PGAM5: variants seen among roughly 807,000 people sequenced by gnomAD.
The protein encoded by PGAM5 is PGAM family member 5, mitochondrial serine/threonine protein phosphatase.
Under a neutral mutation model 30.6 loss-of-function variants are expected in PGAM5, and 25 were observed. That is an observed-to-expected ratio of 0.82 (90% CI 0.60 to 1.14). The LOEUF is 1.14. Among genes scored for constraint, PGAM5 ranks in the 50% most tolerant of loss-of-function variants. The pLI, the probability that PGAM5 is intolerant of heterozygous loss-of-function variation, is 0.00. For missense variants in PGAM5, 384 were observed against 408.5 expected, an observed-to-expected ratio of 0.94 and a Z score of 0.52; for synonymous variants, 201 against 179.1, an observed-to-expected ratio of 1.12 and a Z score of -0.98.
chr12:132,717,331 AG>A, intron 2 of PGAM5, 107 bp from the exon 3 acceptor site: 1 of 1,080,738 alleles, frequency 9.3e-7, no homozygotes, highest in African/African-American at 3.5e-5. Flanking sequence ...CGGGCGGAGG[AG>A]GGGGTGTTTG....
At position 132,710,869 on chromosome 12, in the gene PGAM5, C is replaced by T. The variant is rs934681323; in HGVS notation, c.-8C>T. 15 of 1,127,442 alleles carry T rather than the reference C, an allele frequency of 1.3e-5. No homozygotes were observed. The highest frequency in any genetic ancestry group is 5.0e-5 in the Admixed American group (1 of 20,150). The allele number at this position is 1,127,442 out of a possible 1,614,324, so 69.8% of individuals were successfully genotyped here. On this transcript the variant is annotated 5_prime_UTR_variant, in exon 1 of 6. Coordinates refer to ENST00000498926, the MANE Select transcript of PGAM5 (RefSeq NM_001170543.2). The stretch of plus-strand genomic sequence containing the variant: ...GCGCCTGCGCGGGCCGGCGCGGGAG[C>T]AAGCGGCATGGCGTTCCGGCAGGCG...
chr12:132,714,754 A>G lies in PGAM5; in HGVS notation c.192-104A>G, dbSNP rs903608918. The G allele has an allele frequency of 3.7e-6, 5 of 1,356,394 alleles. No homozygotes were observed. The South Asian group carries it at 4.0e-5, about 11-fold the overall frequency. The allele number at this position is 1,356,394 out of a possible 1,614,324, so 84.0% of individuals were successfully genotyped here. A position where few individuals can be genotyped will look rare whatever the true frequency, so the allele number is the denominator to read the frequency against. On this transcript the variant is annotated intron_variant, in intron 1 of 5. Coordinates refer to ENST00000498926, the MANE Select transcript of PGAM5 (RefSeq NM_001170543.2). ...GTGCCAAGGGCCTTGTCTTCTCTCC[A>G]TGCTCTTCCCAAATAGTCTGACAAT... is the stretch of plus-strand genomic sequence containing the variant.
Position 132,720,430 on chromosome 12 carries a change from C to CT in PGAM5, c.720-248_720-247insT, listed in dbSNP as rs537166157. 4.9e-3 allele frequency among the ~76,000 whole-genome samples: 742 copies of CT among 152,210 alleles called. 6 individuals carry two copies. Among genetic ancestry groups the CT allele is most frequent in the South Asian group, 0.017 (81 of 4,818 alleles). On this transcript the variant is annotated intron_variant, in intron 5 of 5. Transcript: ENST00000498926. ...TCACGCCATTCTTCTGCCTCAGCCT[C>CT]CCAAGTAGCTGGGACTACAGGTGCC... is the stretch of plus-strand genomic sequence containing the variant.
At chr12:132,711,566 C>T (rs879732875) in intron 1 of PGAM5, 2 of 152,268 alleles carry the variant, frequency 1.3e-5, no homozygotes, top group Admixed American at 1.3e-4. Context: ...GCCGGAGGAT[C>T]GCTTGAGAAA....
chr12:132,712,537 A>C (rs1331607745), intron 1 of PGAM5, among the ~76,000 whole-genome samples: 2 of 151,692 alleles, frequency 1.3e-5, no homozygotes, highest in African/African-American at 4.8e-5. Flanking sequence ...GCTCACTGCA[A>C]CCTCCGCCTC....
rs1489826436 is a variant in PGAM5 at position 132,717,583 on chromosome 12, G to A, written c.496+19G>A. 10 of 1,609,046 alleles carry A rather than the reference G, an allele frequency of 6.2e-6. No individual in the cohort carries two copies. The highest frequency in any genetic ancestry group is 2.2e-5 in the South Asian group (2 of 91,016). ...CTGCCAGGTGAGTGCTGCGCGCGGGGCCTCCATGCTTGCAGCAGTGGGCGG... is the reference window on the plus strand; with the variant it reads ...CTGCCAGGTGAGTGCTGCGCGCGGGACCTCCATGCTTGCAGCAGTGGGCGG... On this transcript the variant is annotated intron_variant, in intron 3 of 5. Transcript: ENST00000498926.
intron 1 of PGAM5, 68 bp from the exon 2 acceptor site, chr12:132,714,790 C>T: frequency 1.3e-6 from 2 of 1,543,388 alleles, no homozygotes; most frequent in South Asian, 1.2e-5. Context: ...TTGGAAATAA[C>T]ATCTTGTCAG....
At position 132,711,278 on chromosome 12, in the gene PGAM5, G is replaced by C. The variant is rs904511260; in HGVS notation, c.191+211G>C. ...ACCCTTCCCGCCGGCTTCTGTGGCC[G>C]AGCTCCGTCGCGTCCTCGCCCTTCT... On this transcript the variant is annotated intron_variant, in intron 1 of 5. Transcript: ENST00000498926. The C allele has an allele frequency of 5.4e-5, 17 of 316,460 alleles. No homozygotes were observed. The East Asian group carries it at 8.7e-4, about 16-fold the overall frequency. 19.6% of individuals were successfully genotyped at this position (316,460 alleles called of 1,614,324 possible). A position where few individuals can be genotyped will look rare whatever the true frequency, so the allele number is the denominator to read the frequency against.
At chr12:132,714,017 G>A (rs778839653) in intron 1 of PGAM5, among the ~76,000 whole-genome samples, 10 of 151,864 alleles carry the variant, frequency 6.6e-5, no homozygotes, top group Non-Finnish European at 1.3e-4. Context: ...CTGAGTGTTT[G>A]TTTATTTATT....
Position 132,714,992 on chromosome 12 carries a change from A to G in PGAM5, c.326A>G (p.His109Arg). Reference protein sequence around the residue: ...HIFLIRHSQYHVDGSLEKDRT... With the variant: ...HIFLIRHSQYRVDGSLEKDRT... ...TTCCTCATCAGGCATTCCCAGTACC[A>G]CGTGGATGGCTCCCTGGAGAAGGAC... Residue 109 changes from histidine (H) to arginine (R), a missense_variant, in exon 2 of 6, where the codon CAC becomes CGC. His to Arg is a conservative substitution (Grantham distance 29). Transcript: ENST00000498926. 6.2e-7 allele frequency: 1 copy of G among 1,613,330 alleles called. No individual in the cohort carries two copies. Among genetic ancestry groups the G allele is most frequent in the Non-Finnish European group, 8.5e-7 (1 of 1,179,982 alleles).
Position 132,720,865 on chromosome 12 carries a change from C to T in PGAM5, c.*37C>T, listed in dbSNP as rs2043638081. ...TCTCCTTCCCTCTGTCCTCCCTGCA[C>T]AGGCCGCACACACTTAACGTTTTGT... On this transcript the variant is annotated 3_prime_UTR_variant, in exon 6 of 6. Transcript: ENST00000498926. 1.3e-6 allele frequency: 2 copies of T among 1,527,358 alleles called. No homozygotes were observed. Among genetic ancestry groups the T allele is most frequent in the Non-Finnish European group, 1.8e-6 (2 of 1,141,294 alleles). 94.6% of individuals were successfully genotyped at this position (1,527,358 alleles called of 1,614,324 possible). A position where few individuals can be genotyped will look rare whatever the true frequency, so the allele number is the denominator to read the frequency against.
At chr12:132,717,940 C>T (rs758821162) in intron 4 of PGAM5, 47 bp from the exon 5 acceptor site, 4 of 1,609,382 alleles carry the variant, frequency 2.5e-6, no homozygotes, top group Non-Finnish European at 3.4e-6. Context: ...CTGACACCCG[C>T]CCTGCCCGAG....
At chr12:132,712,249 C>T (rs1046084357) in intron 1 of PGAM5, among the ~76,000 whole-genome samples, 5 of 151,934 alleles carry the variant, frequency 3.3e-5, no homozygotes, top group Admixed American at 3.3e-4. Flanking sequence ...CAGCTTTTAC[C>T]TGCTGTTCTG....
chr12:132,712,733 G>A (rs959384062), intron 1 of PGAM5, among the ~76,000 whole-genome samples: 2 of 151,890 alleles, frequency 1.3e-5, no homozygotes, highest in Non-Finnish European at 2.9e-5. Context: ...TGGGATTACA[G>A]GCATGAGCCA....
chr12:132,716,976 G>A (rs1054223248), intron 2 of PGAM5, among the ~76,000 whole-genome samples: 1 of 152,180 alleles, frequency 6.6e-6, no homozygotes, highest in Non-Finnish European at 1.5e-5. Flanking sequence ...ACTGGTGTCC[G>A]GCCCCCACAT....
At chr12:132,712,858 G>C (rs1038760088) in intron 1 of PGAM5, among the ~76,000 whole-genome samples, 34 of 151,902 alleles carry the variant, frequency 2.2e-4, no homozygotes, top group African/African-American at 8.2e-4. Flanking sequence ...TTACTCTGCC[G>C]TTAAAGAACT....
intron 2 of PGAM5, among the ~76,000 whole-genome samples, chr12:132,717,160 T>C (rs1360563482): frequency 1.3e-5 from 2 of 152,094 alleles, no homozygotes; most frequent in East Asian, 1.9e-4. Flanking sequence ...TGCTGCTCCA[T>C]TGGTGGAATC....
intron 2 of PGAM5, among the ~76,000 whole-genome samples, chr12:132,715,898 C>T (rs910773884): frequency 2.6e-5 from 4 of 152,084 alleles, no homozygotes; most frequent in African/African-American, 9.7e-5. Flanking sequence ...AAGCCCTTAA[C>T]TTTTAGCAAA....
chr12:132,717,864 G>C (rs2043598218), intron 4 of PGAM5, 66 bp downstream of exon 4: 3 of 1,590,686 alleles, frequency 1.9e-6, no homozygotes, highest in South Asian at 2.3e-5. Flanking sequence ...GCCCTGCTGG[G>C]CTCACCATCC....
Sources: allele counts gnomAD v4.1 joint callset (sites outside exome capture counted in the v4.1 genomes callset), GRCh38; gene constraint gnomAD v4.1.1; transcripts MANE v1.5; gene names NCBI Gene and HGNC (gene_info 2026-07-23, HGNC 2026-07-21).